Variants in TAF3 observed in about 807,000 individuals in gnomAD.
TAF3 encodes the protein transcription initiation factor TFIID subunit 3.
A neutral mutation model predicts 80.6 loss-of-function variants in TAF3; 7 were observed. The ratio of observed to expected loss-of-function variants is 0.09; its 90% CI spans 0.05 to 0.16. The LOEUF (loss-of-function observed/expected upper bound fraction) is 0.16. TAF3 is among the 10% of genes least tolerant of loss of function. The pLI, the probability that TAF3 is intolerant of heterozygous loss-of-function variation, is 1.00. For synonymous variants in TAF3, 444 were observed against 446.1 expected, an observed-to-expected ratio of 1.00 and a Z score of 0.06; for missense variants, 921 against 1,140.2, an observed-to-expected ratio of 0.81 and a Z score of 2.77.
rs188475793 is a variant in TAF3 at position 7,895,193 on chromosome 10, A to G, written c.410-68727A>G. On this transcript the variant is annotated intron_variant, in intron 2 of 6. Coordinates refer to ENST00000344293, the MANE Select transcript of TAF3 (RefSeq NM_031923.4). ...CTAAATGAGGGGCAATTTCCTTGGT[A>G]ACTTGATAACAGCTTTAGTGAGTCC... Among the ~76,000 whole-genome samples the G allele has an allele frequency of 2.9e-4, 44 of 152,280 alleles. 1 individual carries two copies. Among genetic ancestry groups the G allele is most frequent in the East Asian group, 2.1e-3 (11 of 5,184 alleles).
intron 2 of TAF3, among the ~76,000 whole-genome samples, chr10:7,909,715 C>A (rs998796124): frequency 2.0e-5 from 3 of 152,308 alleles, no homozygotes; most frequent in Middle Eastern, 3.4e-3. Context: ...CCATTTGATT[C>A]TCATAGCAAA....
chr10:7,873,623 C>CA (rs549284685), intron 2 of TAF3, among the ~76,000 whole-genome samples: 1 of 96,462 alleles, frequency 1.0e-5, no homozygotes, highest in Non-Finnish European at 2.2e-5. Context: ...GTTCTCCCCC[C>CA]CCCCCCGTCA....
At chr10:7,823,370 C>A (rs1163139367) in intron 1 of TAF3, among the ~76,000 whole-genome samples, 1 of 151,728 alleles carries the variant, frequency 6.6e-6, no homozygotes, top group South Asian at 2.1e-4. Flanking sequence ...TTGGCTCATG[C>A]CTGTTATCCC....
chr10:7,986,475 AC>A (rs1373320577), intron 4 of TAF3, among the ~76,000 whole-genome samples: 1 of 152,174 alleles, frequency 6.6e-6, no homozygotes, highest in Admixed American at 6.5e-5. Context: ...GGAGGCAAAA[AC>A]TATCTAATAG....
At chr10:7,838,908 G>GTTT (rs71505463) in intron 2 of TAF3, among the ~76,000 whole-genome samples, 1 of 101,864 alleles carries the variant, frequency 9.8e-6, no homozygotes, top group Non-Finnish European at 1.9e-5. Context: ...GGCATTGCTT[G>GTTT]TTTTTTTTTT....
intron 4 of TAF3, among the ~76,000 whole-genome samples, chr10:7,991,102 A>G (rs981389334): frequency 6.6e-6 from 1 of 152,134 alleles, no homozygotes; most frequent in Admixed American, 6.5e-5. Flanking sequence ...AGTCAGTGTA[A>G]TAATTTCAGT....
chr10:7,860,637 C>T (rs1837135015), intron 2 of TAF3, among the ~76,000 whole-genome samples: 1 of 152,188 alleles, frequency 6.6e-6, no homozygotes, highest in Non-Finnish European at 1.5e-5. Flanking sequence ...AACAGAATGA[C>T]TCATTGTCAC....
chr10:8,008,826 T>C (rs1470776120), intron 4 of TAF3, among the ~76,000 whole-genome samples: 2 of 152,162 alleles, frequency 1.3e-5, no homozygotes, highest in Non-Finnish European at 2.9e-5. Context: ...CTGTGAACAA[T>C]GCATGTGTAT....
chr10:7,971,038 A>G (rs559074320), intron 3 of TAF3, among the ~76,000 whole-genome samples: 2 of 152,288 alleles, frequency 1.3e-5, no homozygotes, highest in East Asian at 3.9e-4. Context: ...AAGAAACTTA[A>G]TGTTTAAATG....
intron 2 of TAF3, among the ~76,000 whole-genome samples, chr10:7,963,606 G>C (rs770919387): frequency 6.6e-6 from 1 of 152,060 alleles, no homozygotes; most frequent in African/African-American, 2.4e-5. Flanking sequence ...GAGTTGAACA[G>C]TGAGAACACA....
chr10:7,842,176 G>GTTT (rs1167047923), intron 2 of TAF3, among the ~76,000 whole-genome samples: 5 of 62,146 alleles, frequency 8.0e-5, no homozygotes, highest in Non-Finnish European at 6.6e-5. Flanking sequence ...TTTTTTTTTT[G>GTTT]TTTTTTTTTT....
At chr10:7,998,456 G>A (rs1476838237) in intron 4 of TAF3, among the ~76,000 whole-genome samples, 1 of 151,912 alleles carries the variant, frequency 6.6e-6, no homozygotes, top group Non-Finnish European at 1.5e-5. Flanking sequence ...CATAAAATTG[G>A]TCAACAATCT....
chr10:7,850,173 T>C (rs1012413256), intron 2 of TAF3, among the ~76,000 whole-genome samples: 1 of 152,202 alleles, frequency 6.6e-6, no homozygotes, highest in African/African-American at 2.4e-5. Context: ...CTATTCTTAG[T>C]GATGTACCTG....
chr10:8,009,072 T>G lies in TAF3; in HGVS notation c.2316-6T>G. ...TGACTTTTACCTTCTCTTCTTTTGT[T>G]GACAGTGTCATCAGCAAGGTGGTCC... On this transcript the variant is annotated splice_region_variant and splice_polypyrimidine_tract_variant and intron_variant, in intron 4 of 6. Coordinates refer to ENST00000344293, the MANE Select transcript of TAF3 (RefSeq NM_031923.4). This position sits in a 1 kb window ranked among gnomAD's most constrained non-coding sequence, Gnocchi z 4.1. 2 of 1,598,344 alleles carry G rather than the reference T, an allele frequency of 1.3e-6. No homozygotes were observed. Among genetic ancestry groups the G allele is most frequent in the Non-Finnish European group, 1.7e-6 (2 of 1,172,744 alleles).
intron 4 of TAF3, among the ~76,000 whole-genome samples, chr10:8,003,072 A>G (rs1468151481): frequency 6.6e-6 from 1 of 152,130 alleles, no homozygotes; most frequent in African/African-American, 2.4e-5. Context: ...GCATTAGAAT[A>G]TATTGGGTTT....
intron 2 of TAF3, among the ~76,000 whole-genome samples, chr10:7,888,756 G>A (rs574579032): frequency 1.3e-5 from 2 of 152,342 alleles, no homozygotes; most frequent in African/African-American, 2.4e-5. Context: ...CAGAGCTTTC[G>A]CATCTGTTCC....
chr10:8,011,813 TG>T (rs1258002790), intron 5 of TAF3, among the ~76,000 whole-genome samples: 1 of 152,226 alleles, frequency 6.6e-6, no homozygotes, highest in Non-Finnish European at 1.5e-5. Context: ...CTAAAAGTTC[TG>T]GTTTTCCAGT....
At chr10:7,864,440 C>A (rs566868215) in intron 2 of TAF3, among the ~76,000 whole-genome samples, 1 of 152,102 alleles carries the variant, frequency 6.6e-6, no homozygotes, top group East Asian at 1.9e-4. Context: ...GTGGTAAGGG[C>A]ACTTAACATC....
rs112273639 is a variant in TAF3 at position 7,873,625 on chromosome 10, C to G, written c.409+49065C>G. 7.2e-4 allele frequency among the ~76,000 whole-genome samples: 91 copies of G among 126,960 alleles called. No homozygotes were observed. The East Asian group carries it at 0.014, about 20-fold the overall frequency. The allele number at this position is 126,960 out of a possible 152,430, so 83.3% of individuals were successfully genotyped here. ...GGAAGACATCCGAGTTCTCCCCCCC[C>G]CCCCGTCAAAAGGGGGTGTCGAATT... On this transcript the variant is annotated intron_variant, in intron 2 of 6. Transcript: ENST00000344293.
Sources: gnomAD v4.1 joint callset for allele counts (sites outside exome capture counted in the v4.1 genomes callset) on GRCh38, gnomAD v4.1.1 for gene constraint, Gnocchi (gnomAD v3.1) non-coding constraint, MANE v1.5 for transcripts, NCBI Gene and HGNC (gene_info 2026-07-23, HGNC 2026-07-21) for gene names.